RAB38: variants seen among roughly 807,000 people sequenced by gnomAD.
RAB38 encodes the protein ras-related protein Rab-38.
In RAB38, 15 loss-of-function variants were observed where a neutral mutation model predicts 18.4. That is an observed-to-expected ratio of 0.82 (90% CI 0.55 to 1.26). The LOEUF is 1.26. RAB38 is among the 50% of genes most tolerant of loss of function. The pLI is 0.00. For missense variants in RAB38, 294 were observed against 267.4 expected, an observed-to-expected ratio of 1.10 and a Z score of -0.69; for synonymous variants, 101 against 104.4, an observed-to-expected ratio of 0.97 and a Z score of 0.20.
the RAB38 span, among the ~76,000 whole-genome samples, chr11:87,804,357 G>T: frequency 2.6e-5 from 4 of 152,232 alleles, 1 homozygote; most frequent in South Asian, 4.2e-4. Flanking sequence ...CTCTGTGGGT[G>T]TCTTCAGCAC....
At chr11:87,926,204 T>C in the RAB38 span, among the ~76,000 whole-genome samples, 154 of 152,130 alleles carry the variant, frequency 1.0e-3, no homozygotes, top group Middle Eastern at 3.4e-3. Flanking sequence ...CCTTATGATT[T>C]TACCCTCAGG....
At chr11:87,964,205 G>T in the RAB38 span, among the ~76,000 whole-genome samples, 1 of 152,000 alleles carries the variant, frequency 6.6e-6, no homozygotes, top group African/African-American at 2.4e-5. Context: ...TACTGACCTG[G>T]GCCAGCCTTG....
the RAB38 span, among the ~76,000 whole-genome samples, chr11:88,108,142 G>T: frequency 6.6e-6 from 1 of 152,104 alleles, no homozygotes; most frequent in Non-Finnish European, 1.5e-5. Flanking sequence ...AGGTTCACTT[G>T]GTCCAAAGCT....
chr11:88,170,032 A>G (rs1372522843), intron 1 of RAB38, among the ~76,000 whole-genome samples: 1 of 151,750 alleles, frequency 6.6e-6, no homozygotes, highest in Non-Finnish European at 1.5e-5. Flanking sequence ...ATCCCCTCCC[A>G]CTCTCAAATG....
At chr11:87,890,607 T>C in the RAB38 span, among the ~76,000 whole-genome samples, 284 of 151,928 alleles carry the variant, frequency 1.9e-3, no homozygotes, top group African/African-American at 6.1e-3. Flanking sequence ...GTATTTTTTT[T>C]CCCAATTTCA....
chr11:88,149,065 G>A (rs1174501544), intron 2 of RAB38, among the ~76,000 whole-genome samples: 2 of 147,782 alleles, frequency 1.4e-5, no homozygotes, highest in East Asian at 3.9e-4. Flanking sequence ...CACCATACAG[G>A]ATCCTTCATC....
chr11:88,171,070 C>G (rs1050437835), intron 1 of RAB38, among the ~76,000 whole-genome samples: 1 of 152,086 alleles, frequency 6.6e-6, no homozygotes, highest in Non-Finnish European at 1.5e-5. Context: ...CTGGGGAGAT[C>G]AAGTGGGAAA....
At chr11:87,871,705 A>G in the RAB38 span, among the ~76,000 whole-genome samples, 2 of 151,606 alleles carry the variant, frequency 1.3e-5, no homozygotes, top group African/African-American at 2.4e-5. Flanking sequence ...CCTGTGGCTA[A>G]CAAATATTCT....
intron 1 of RAB38, among the ~76,000 whole-genome samples, chr11:88,161,720 A>G (rs1426483256): frequency 1.3e-5 from 2 of 152,120 alleles, no homozygotes; most frequent in Non-Finnish European, 2.9e-5. Context: ...AACTTCCAGT[A>G]AATAATCAAT....
At chr11:87,972,063 A>T in the RAB38 span, among the ~76,000 whole-genome samples, 5 of 152,182 alleles carry the variant, frequency 3.3e-5, no homozygotes, top group East Asian at 7.7e-4. Flanking sequence ...CTTCAGAGAA[A>T]ATTCAGTAAG....
chr11:87,826,938 A>T, the RAB38 span, among the ~76,000 whole-genome samples: 2 of 152,132 alleles, frequency 1.3e-5, no homozygotes, highest in Non-Finnish European at 2.9e-5. Flanking sequence ...TTATATATAG[A>T]ATAGAAGAGT....
At chr11:88,098,339 G>A in the RAB38 span, among the ~76,000 whole-genome samples, 49 of 152,058 alleles carry the variant, frequency 3.2e-4, no homozygotes, top group African/African-American at 1.2e-3. Context: ...ACCTCTCTAA[G>A]TCTGTGTTTA....
chr11:88,005,602 C>T, the RAB38 span, among the ~76,000 whole-genome samples: 3 of 147,624 alleles, frequency 2.0e-5, no homozygotes, highest in African/African-American at 7.4e-5. Flanking sequence ...TTTTTAATTT[C>T]ATATGATACC....
chr11:87,855,811 C>T, the RAB38 span, among the ~76,000 whole-genome samples: 8 of 152,002 alleles, frequency 5.3e-5, no homozygotes, highest in Non-Finnish European at 1.0e-4. Flanking sequence ...TTTAAATAAA[C>T]ATAAATAATT....
the RAB38 span, among the ~76,000 whole-genome samples, chr11:87,920,922 A>T: frequency 6.6e-6 from 1 of 152,106 alleles, no homozygotes; most frequent in Non-Finnish European, 1.5e-5. Flanking sequence ...AACACCACAT[A>T]TTGGGTAATC....
the RAB38 span, among the ~76,000 whole-genome samples, chr11:87,923,869 T>G: frequency 6.6e-6 from 1 of 151,304 alleles, no homozygotes; most frequent in Non-Finnish European, 1.5e-5. Flanking sequence ...CCAGAGAGAA[T>G]AGTTAACATT....
the RAB38 span, among the ~76,000 whole-genome samples, chr11:87,955,255 A>C: frequency 6.6e-6 from 1 of 152,192 alleles, no homozygotes. Context: ...CAGCAAATCC[A>C]AATTATAAAG....
At chr11:87,939,144 C>G in the RAB38 span, among the ~76,000 whole-genome samples, 1 of 152,020 alleles carries the variant, frequency 6.6e-6, no homozygotes, top group Non-Finnish European at 1.5e-5. Flanking sequence ...AGGAACTCCC[C>G]CATTAGAGCT....
chr11:87,886,824 G>GTTTTTTTTT, the RAB38 span, among the ~76,000 whole-genome samples: 25 of 139,018 alleles, frequency 1.8e-4, no homozygotes, highest in Non-Finnish European at 2.5e-4. Context: ...TGAAGCACTT[G>GTTTTTTTTT]TTTTTTTTTT....
Sources: allele counts gnomAD v4.1 joint callset (sites outside exome capture counted in the v4.1 genomes callset), GRCh38; gene constraint gnomAD v4.1.1; transcripts MANE v1.5; gene names NCBI Gene and HGNC (gene_info 2026-07-23, HGNC 2026-07-21).